LRRC8E: variants seen among roughly 807,000 people sequenced by gnomAD.
The protein encoded by LRRC8E is volume-regulated anion channel subunit LRRC8E.
LRRC8E carries 6 observed loss-of-function variants against 6.1 expected under a neutral mutation model. The ratio of observed to expected loss-of-function variants is 0.98; its 90% CI spans 0.54 to 1.93. The LOEUF (loss-of-function observed/expected upper bound fraction) is 1.93. LRRC8E is among the 30% of genes most tolerant of loss of function. The pLI is 0.01. For missense variants in LRRC8E, 1,028 were observed against 1,031.4 expected (o/e 1.00, Z 0.04); for synonymous variants, 485 against 472.8 (o/e 1.03, Z -0.33).
chr19:7,893,197 G>A (rs1212961941), intron 1 of LRRC8E, among the ~76,000 whole-genome samples: 4 of 152,108 alleles, frequency 2.6e-5, no homozygotes, highest in Non-Finnish European at 5.9e-5. Context: ...TAGTAGAGAC[G>A]GGGTTTCATC....
intron 2 of LRRC8E, among the ~76,000 whole-genome samples, chr19:7,897,699 TTGTGTC>T (rs79694085): frequency 0.17 from 25,340 of 150,986 alleles, 2,771 homozygotes; most frequent in Non-Finnish European, 0.24. Flanking sequence ...TCTTCTGTCT[TTGTGTC>T]TGTCTCTGTG....
rs750420482 is a variant in LRRC8E at position 7,898,649 on chromosome 19, T to C, written c.139-12T>C. ...GCTAGGATTACAGCCCTCATTCTCT[T>C]TTGCTCCTCAGGTGACACAGGACAA... is the stretch of plus-strand genomic sequence containing the variant. On this transcript the variant is annotated splice_polypyrimidine_tract_variant and intron_variant, in intron 2 of 2. Transcript: ENST00000306708. The C allele has an allele frequency of 6.9e-6, 11 of 1,584,772 alleles. No homozygotes were observed. Among genetic ancestry groups the C allele is most frequent in the Admixed American group, 3.5e-5 (2 of 56,834 alleles).
At chr19:7,894,781 G>A (rs558042355) in intron 1 of LRRC8E, among the ~76,000 whole-genome samples, 29 of 152,346 alleles carry the variant, frequency 1.9e-4, no homozygotes, top group Non-Finnish European at 3.2e-4. Flanking sequence ...AACAGACAGA[G>A]TGGGCCGGCC....
intron 1 of LRRC8E, among the ~76,000 whole-genome samples, chr19:7,889,827 G>A (rs927801257): frequency 6.6e-6 from 1 of 151,014 alleles, no homozygotes; most frequent in Non-Finnish European, 1.5e-5. Flanking sequence ...TTGGCTCACG[G>A]CAACCTCCAC....
intron 1 of LRRC8E, among the ~76,000 whole-genome samples, chr19:7,891,374 T>C (rs548603288): frequency 6.6e-6 from 1 of 152,144 alleles, no homozygotes; most frequent in Non-Finnish European, 1.5e-5. Flanking sequence ...AGGATCAAGT[T>C]TGAGTCATGG....
rs764885669 is a variant in LRRC8E at position 7,900,195 on chromosome 19, G to A, written c.1673G>A (p.Gly558Asp). 2 of 1,612,912 alleles carry A rather than the reference G, an allele frequency of 1.2e-6. No homozygotes were observed. The highest frequency in any genetic ancestry group is 1.7e-4 in the Middle Eastern group (1 of 6,058). Residue 558 changes from glycine to aspartate, a missense_variant, in exon 3 of 3, where the codon GGC becomes GAC. Gly to Asp is a moderately conservative substitution (Grantham distance 94, BLOSUM62 -1). Transcript: ENST00000306708. The surrounding 1 kb of genome is among the most constrained non-coding windows in gnomAD (Gnocchi z 5.0). ...CCAGCCAGTGTGACCGACGTTGCTG[G>A]CCACCTGCAGAGGCTCAGCCTGCAC... ...KVPASVTDVA[G>D]HLQRLSLHND...
Position 7,900,758 on chromosome 19 carries a change from GC to G in LRRC8E, c.2239del (p.Leu747SerfsTer11). On this transcript the variant is annotated frameshift_variant, in exon 3 of 3. Transcript: ENST00000306708. LOFTEE classifies it low-confidence loss of function (END_TRUNC). This position sits in a 1 kb window ranked among gnomAD's most constrained non-coding sequence, Gnocchi z 5.0. ...QLSPHVGALR[A>X]LSRLELKGNR... ...CTCGCCCCACGTGGGTGCCCTCAGA[GC>G]CCTCAGCCGCCTGGAGCTCAAAGGC... 1 of 1,611,366 alleles carries G rather than the reference GC, an allele frequency of 6.2e-7. No individual in the cohort carries two copies. The highest frequency in any genetic ancestry group is 2.2e-5 in the East Asian group (1 of 44,840).
Position 7,899,509 on chromosome 19 carries a change from C to G in LRRC8E, c.987C>G (p.Tyr329Ter). 1 of 1,614,116 alleles carries G rather than the reference C, an allele frequency of 6.2e-7. No individual in the cohort carries two copies. The change falls in exon 3 of 3, where the codon TAC (tyrosine) becomes TAG (stop). Residue 329 changes from tyrosine (Y) to a stop codon, truncating the protein, a stop_gained. Transcript: ENST00000306708. LOFTEE classifies it low-confidence loss of function (END_TRUNC). ...GCATCTACGGACTTACCTGCATCTACACGCTCTACTGGCTCTTCCACCGGC... is the reference window on the plus strand; with the variant it reads ...GCATCTACGGACTTACCTGCATCTAGACGCTCTACTGGCTCTTCCACCGGC... Reference protein sequence around the residue: ...FVCIYGLTCIYTLYWLFHRPL... With the variant: ...FVCIYGLTCI
chr19:7,896,511 T>G (rs1981603127), intron 2 of LRRC8E, among the ~76,000 whole-genome samples: 1 of 151,180 alleles, frequency 6.6e-6, no homozygotes, highest in Non-Finnish European at 1.5e-5. Flanking sequence ...GAGGTGGAGG[T>G]TGCAGTGAGC....
At position 7,895,762 on chromosome 19, in the gene LRRC8E, G is replaced by C. The variant is rs1451260749; in HGVS notation, c.138+21G>C. On this transcript the variant is annotated intron_variant, in intron 2 of 2. Transcript: ENST00000306708. This position sits in a 1 kb window ranked among gnomAD's most constrained non-coding sequence, Gnocchi z 4.7. ...TCCAGGTGAGGCCCTCCCCTGGCAA[G>C]GGGGTGTGACCAGAGGGGCGGGGCA... The C allele has an allele frequency of 9.9e-6, 16 of 1,609,290 alleles. No homozygotes were observed. Among genetic ancestry groups the C allele is most frequent in the Non-Finnish European group, 1.4e-5 (16 of 1,176,180 alleles).
rs748735572 is a variant in LRRC8E, at chr19:7,900,284, G to C, written c.1762G>C (p.Glu588Gln). ...LKKLAALREL[E>Q]LVACGLERIP... ...GAAGCTGGCGGCATTGCGGGAGCTG[G>C]AGCTGGTGGCCTGCGGGCTGGAGCG... Residue 588 changes from glutamate (E) to glutamine (Q), a missense_variant, in exon 3 of 3, where the codon GAG (glutamate) becomes CAG (glutamine). Coordinates refer to ENST00000306708, the MANE Select transcript of LRRC8E (RefSeq NM_025061.6). This position sits in a 1 kb window ranked among gnomAD's most constrained non-coding sequence, Gnocchi z 5.0. 9.9e-6 allele frequency: 16 copies of C among 1,613,282 alleles called. No homozygotes were observed. The Admixed American group carries it at 1.0e-4, about 10-fold the overall frequency.
At chr19:7,892,562 G>A (rs1007026851) in intron 1 of LRRC8E, among the ~76,000 whole-genome samples, 3 of 152,298 alleles carry the variant, frequency 2.0e-5, no homozygotes, top group African/African-American at 7.2e-5. Context: ...AGGATCCTTG[G>A]AGGACTCAAT....
At position 7,900,021 on chromosome 19, in the gene LRRC8E, C is replaced by T. The variant is rs376889961; in HGVS notation, c.1499C>T (p.Pro500Leu). The change falls in exon 3 of 3, where the codon CCG (proline) becomes CTG (leucine). Residue 500 changes from proline (P) to leucine (L), a missense_variant. Transcript: ENST00000306708. This position sits in a 1 kb window ranked among gnomAD's most constrained non-coding sequence, Gnocchi z 5.0. ...RVKCEELREV[P>L]LWVFGLRGLE... ...AAATGCGAGGAGCTCCGCGAGGTGC[C>T]GCTTTGGGTGTTTGGGCTGCGGGGC... 9.9e-6 allele frequency: 16 copies of T among 1,610,166 alleles called. No homozygotes were observed. Among genetic ancestry groups the T allele is most frequent in the African/African-American group, 4.0e-5 (3 of 74,910 alleles).
intron 1 of LRRC8E, among the ~76,000 whole-genome samples, chr19:7,890,360 G>T (rs947316735): frequency 6.6e-6 from 1 of 152,150 alleles, no homozygotes; most frequent in African/African-American, 2.4e-5. Flanking sequence ...ACCGCTCTTA[G>T]GTGCTTTTGG....
rs372323089 is a variant in LRRC8E, at chr19:7,894,279, G to T, written c.-5-1320G>T. Among the ~76,000 whole-genome samples the T allele has an allele frequency of 3.9e-5, 6 of 152,210 alleles. No homozygotes were observed. In the East Asian group the frequency reaches 5.8e-4, roughly 15 times the overall value. Reference sequence around the variant, plus strand: ...CTCACTCTGTCACCCAGGCTGGAGTGCAGTGGCACGGTCTCACTTCACTGC... The same window carrying T: ...CTCACTCTGTCACCCAGGCTGGAGTTCAGTGGCACGGTCTCACTTCACTGC... On this transcript the variant is annotated intron_variant, in intron 1 of 2. Coordinates refer to ENST00000306708, the MANE Select transcript of LRRC8E (RefSeq NM_025061.6).
intron 2 of LRRC8E, among the ~76,000 whole-genome samples, chr19:7,896,522 C>T (rs1035954492): frequency 4.0e-5 from 6 of 151,274 alleles, no homozygotes; most frequent in East Asian, 2.0e-4. Context: ...TGCAGTGAGC[C>T]GAGATCATGC....
In LRRC8E at chr19:7,900,276, G is replaced by T. The variant is rs148953627; in HGVS notation, c.1754G>T (p.Arg585Leu). The T allele has an allele frequency of 6.2e-7, 1 of 1,613,398 alleles. No homozygotes were observed. The highest frequency in any genetic ancestry group is 2.2e-5 in the East Asian group (1 of 44,878). Reference protein sequence around the residue: ...LNSLKKLAALRELELVACGLE... With the variant: ...LNSLKKLAALLELELVACGLE... The stretch of plus-strand genomic sequence containing the variant: ...AGCCTCAAGAAGCTGGCGGCATTGC[G>T]GGAGCTGGAGCTGGTGGCCTGCGGG... The change falls in exon 3 of 3, where the codon CGG becomes CTG. Residue 585 changes from arginine to leucine, a missense_variant. Transcript: ENST00000306708. This position sits in a 1 kb window ranked among gnomAD's most constrained non-coding sequence, Gnocchi z 5.0.
At chr19:7,893,981 G>C (rs2145099637) in intron 1 of LRRC8E, 1 of 152,354 alleles carries the variant, frequency 6.6e-6, no homozygotes, top group East Asian at 1.9e-4. Context: ...TTGGCCTTTA[G>C]CTTGGTGGGT....
chr19:7,890,669 G>A (rs530246369), intron 1 of LRRC8E, among the ~76,000 whole-genome samples: 1 of 151,976 alleles, frequency 6.6e-6, no homozygotes, highest in Admixed American at 6.6e-5. Flanking sequence ...GGCGCCTGTA[G>A]TCCCAGCTAC....
Sources: gnomAD v4.1 joint callset for allele counts (sites outside exome capture counted in the v4.1 genomes callset) on GRCh38, gnomAD v4.1.1 for gene constraint, Gnocchi (gnomAD v3.1) non-coding constraint, MANE v1.5 for transcripts, NCBI Gene and HGNC (gene_info 2026-07-23, HGNC 2026-07-21) for gene names.